The following NEK6 variants were observed in gnomAD, a reference collection of about 807,000 sequenced individuals.
NEK6 encodes serine/threonine-protein kinase Nek6.
In NEK6, 27 loss-of-function variants were observed where a neutral mutation model predicts 43.5. The observed-to-expected ratio is 0.62, with a 90% CI of 0.46 to 0.86. NEK6 has a LOEUF of 0.86. Ranked by LOEUF, NEK6 falls within the 40% of genes least tolerant of loss-of-function variation. NEK6 has a pLI of 0.00. For missense variants in NEK6, 318 were observed against 414.4 expected (o/e 0.77, Z 2.02); for synonymous variants, 167 against 164.1 (o/e 1.02, Z -0.14).
chr9:124,281,401 C>A (rs933367315), intron 1 of NEK6, among the ~76,000 whole-genome samples: 2 of 151,676 alleles, frequency 1.3e-5, no homozygotes, highest in African/African-American at 2.4e-5. Flanking sequence ...GGCCTAGGGC[C>A]GTGTGAAGTC....
intron 3 of NEK6, among the ~76,000 whole-genome samples, chr9:124,312,894 A>G (rs1004196103): frequency 9.9e-5 from 15 of 152,248 alleles, no homozygotes; most frequent in Non-Finnish European, 1.6e-4. Context: ...CAAGGAGCAC[A>G]TGGAGCCTCT....
chr9:124,292,933 T>G (rs1181414087), intron 1 of NEK6: 1 of 1,556,022 alleles, frequency 6.4e-7, no homozygotes, highest in South Asian at 1.2e-5. Context: ...GAAGGCTGCC[T>G]GGAGGAGATG....
At chr9:124,325,339 G>A (rs969449212) in intron 5 of NEK6, among the ~76,000 whole-genome samples, 16 of 152,238 alleles carry the variant, frequency 1.1e-4, no homozygotes, top group Admixed American at 2.0e-4. Flanking sequence ...CACCCTGCAG[G>A]TGGTCTGAAA....
intron 4 of NEK6, among the ~76,000 whole-genome samples, chr9:124,320,911 G>A (rs1834032257): frequency 6.6e-6 from 1 of 152,212 alleles, no homozygotes; most frequent in Non-Finnish European, 1.5e-5. Context: ...GGGCAACATA[G>A]TGAGATCCTA....
Position 124,326,415 on chromosome 9 carries a change from A to G in NEK6, c.491A>G (p.His164Arg). 1 of 1,609,518 alleles carries G rather than the reference A, an allele frequency of 6.2e-7. No homozygotes were observed. Among genetic ancestry groups the G allele is most frequent in the East Asian group, 2.2e-5 (1 of 44,834 alleles). Residue 164 changes from histidine (H) to arginine (R), a missense_variant, in exon 6 of 10, where the codon CAT (histidine) becomes CGT (arginine). This residue lies in a region of NEK6 where 239 missense variants were observed against 344.4 expected (regional missense o/e 0.69). Coordinates refer to ENST00000320246, the MANE Select transcript of NEK6 (RefSeq NM_014397.6). This position sits in a 1 kb window ranked among gnomAD's most constrained non-coding sequence, Gnocchi z 4.5. ...CTGTGCAGCGCCGTGGAGCACATGC[A>G]TTCACGCCGGGTGATGCACCGAGGT... ...VQLCSAVEHM[H>R]SRRVMHRDIK...
chr9:124,305,436 C>T (rs1482169573), intron 2 of NEK6, among the ~76,000 whole-genome samples: 1 of 151,842 alleles, frequency 6.6e-6, no homozygotes, highest in Non-Finnish European at 1.5e-5. Context: ...CACCTGTAAT[C>T]TCAGCTACTT....
chr9:124,339,699 T>C (rs759594808), intron 8 of NEK6, 34 bp downstream of exon 8: 1 of 1,509,662 alleles, frequency 6.6e-7, no homozygotes, highest in Admixed American at 1.7e-5. Flanking sequence ...CAGCATTTGG[T>C]GGGACATGCA....
rs1242761191 is a variant in NEK6, at chr9:124,302,095, C to G, written c.90+41C>G. 2.1e-6 allele frequency: 3 copies of G among 1,425,464 alleles called. No individual in the cohort carries two copies. The African/African-American group carries it at 4.3e-5, about 20-fold the overall frequency. The allele number at this position is 1,425,464 out of a possible 1,614,324, so 88.3% of individuals were successfully genotyped here. On this transcript the variant is annotated intron_variant, in intron 2 of 9. Coordinates refer to ENST00000320246, the MANE Select transcript of NEK6 (RefSeq NM_014397.6). ...TTGTCTGCAGCACACTGAAGAGTTCCCAAGGAATACGGATCCCTGAGCCTC... is the reference window on the plus strand; with the variant it reads ...TTGTCTGCAGCACACTGAAGAGTTCGCAAGGAATACGGATCCCTGAGCCTC...
At chr9:124,310,688 C>G (rs1833485875) in intron 2 of NEK6, among the ~76,000 whole-genome samples, 1 of 152,184 alleles carries the variant, frequency 6.6e-6, no homozygotes, top group Non-Finnish European at 1.5e-5. Flanking sequence ...ACCTCCGCCT[C>G]CCAGGTTCAA....
chr9:124,349,890 G>A (rs1368380658), intron 9 of NEK6, among the ~76,000 whole-genome samples: 1 of 152,240 alleles, frequency 6.6e-6, no homozygotes, highest in Non-Finnish European at 1.5e-5. Context: ...AGGTGCGAGG[G>A]GATACCCTAA....
chr9:124,293,876 C>G (rs959469783), intron 1 of NEK6, among the ~76,000 whole-genome samples: 10 of 152,248 alleles, frequency 6.6e-5, no homozygotes, highest in African/African-American at 2.4e-4. Context: ...TCCTCAACAG[C>G]CCACCTTCAG....
chr9:124,345,863 A>G (rs1383743462), intron 8 of NEK6, among the ~76,000 whole-genome samples: 5 of 152,030 alleles, frequency 3.3e-5, no homozygotes, highest in African/African-American at 9.7e-5. Flanking sequence ...TTTGCACCCG[A>G]GAGTCTCATT....
At chr9:124,350,199 C>T (rs1244483674) in intron 9 of NEK6, among the ~76,000 whole-genome samples, 3 of 152,204 alleles carry the variant, frequency 2.0e-5, no homozygotes, top group African/African-American at 7.2e-5. Flanking sequence ...GCTGTGAGCC[C>T]GTGATGCAGG....
At chr9:124,322,481 C>T (rs953146691) in intron 5 of NEK6, among the ~76,000 whole-genome samples, 3 of 152,222 alleles carry the variant, frequency 2.0e-5, no homozygotes, top group Non-Finnish European at 2.9e-5. Context: ...GAGTCCCCGC[C>T]GTCCTCAAAT....
chr9:124,310,877 C>T (rs77321119), intron 2 of NEK6, among the ~76,000 whole-genome samples: 3,757 of 152,338 alleles, frequency 0.025, 59 homozygotes, highest in East Asian at 0.083. Context: ...TGAGCCACTG[C>T]GCCTGGCCTA....
At chr9:124,337,166 G>A (rs1337944644) in intron 7 of NEK6, among the ~76,000 whole-genome samples, 1 of 152,184 alleles carries the variant, frequency 6.6e-6, no homozygotes, top group African/African-American at 2.4e-5. Flanking sequence ...AGAGCTCACT[G>A]CTTCAGGAAA....
At chr9:124,333,979 A>G (rs112845876) in intron 7 of NEK6, among the ~76,000 whole-genome samples, 1,563 of 152,032 alleles carry the variant, frequency 0.01, 35 homozygotes, top group African/African-American at 0.035. Flanking sequence ...GGGTTTCACC[A>G]TGTTAGCCAG....
chr9:124,335,383 C>A (rs1182062717), intron 7 of NEK6, among the ~76,000 whole-genome samples: 4 of 152,208 alleles, frequency 2.6e-5, no homozygotes, highest in African/African-American at 9.7e-5. Context: ...AGCGGTTAGC[C>A]CCTGGCTTCG....
chr9:124,288,868 A>G (rs1358479309), intron 1 of NEK6, among the ~76,000 whole-genome samples: 2 of 152,244 alleles, frequency 1.3e-5, no homozygotes, highest in Non-Finnish European at 2.9e-5. Flanking sequence ...TGCTCTTCTC[A>G]GATCCAGGAC....
Sources: gnomAD v4.1 joint callset for allele counts (sites outside exome capture counted in the v4.1 genomes callset) on GRCh38, gnomAD v4.1.1 for gene constraint, gnomAD v4.1.1 regional missense constraint, Gnocchi (gnomAD v3.1) non-coding constraint, MANE v1.5 for transcripts, NCBI Gene and HGNC (gene_info 2026-07-23, HGNC 2026-07-21) for gene names.